CTNND2: variants seen among roughly 807,000 people sequenced by gnomAD.
CTNND2 encodes the protein catenin delta-2.
In CTNND2, 22 loss-of-function variants were observed where a neutral mutation model predicts 144.4. That is an observed-to-expected ratio of 0.15 (90% CI 0.11 to 0.22). CTNND2 has a LOEUF of 0.22. Ranked by LOEUF, CTNND2 falls within the 10% of genes least tolerant of loss-of-function variation. The probability of loss-of-function intolerance (pLI) is 1.00; values close to 1 mark genes in which losing one functional copy is unlikely to be tolerated. For synonymous variants in CTNND2, 751 were observed against 695.6 expected (o/e 1.08, Z -1.25); for missense variants, 1,353 against 1,618.8 (o/e 0.84, Z 2.82).
intron 9 of CTNND2, among the ~76,000 whole-genome samples, chr5:11,262,235 C>G (rs1218823487): frequency 6.6e-6 from 1 of 152,100 alleles, no homozygotes; most frequent in Non-Finnish European, 1.5e-5. Flanking sequence ...AACTGACCCA[C>G]CAAAAGGGCC....
intron 9 of CTNND2, among the ~76,000 whole-genome samples, chr5:11,318,868 C>T (rs1751759405): frequency 6.6e-6 from 1 of 151,886 alleles, no homozygotes; most frequent in Non-Finnish European, 1.5e-5. Context: ...CTAGGTGCTG[C>T]CCCATTTTTC....
chr5:11,409,857 AGAG>A (rs1761374927), intron 5 of CTNND2, among the ~76,000 whole-genome samples: 2 of 152,038 alleles, frequency 1.3e-5, no homozygotes, highest in South Asian at 4.1e-4. Context: ...TATTCTTTTC[AGAG>A]GAGAATTTAG....
In CTNND2 at chr5:11,475,100, C is replaced by T. The variant is rs75373389; in HGVS notation, c.288-63031G>A. ...AAGTCAAGTGTGTCTCAGGTATTAC[C>T]GCCATTCTCTTCATACTGCAGGCAA... On this transcript the variant is annotated intron_variant, in intron 3 of 21. Transcript: ENST00000304623. 6.9e-3 allele frequency among the ~76,000 whole-genome samples: 1,046 copies of T among 152,294 alleles called. 9 individuals carry two copies. Among genetic ancestry groups the T allele is most frequent in the African/African-American group, 0.024 (985 of 41,568 alleles).
intron 2 of CTNND2, among the ~76,000 whole-genome samples, chr5:11,686,691 ATACTT>A (rs1294558583): frequency 6.6e-6 from 1 of 151,120 alleles, no homozygotes; most frequent in Non-Finnish European, 1.5e-5. Flanking sequence ...ATTTAACAAT[ATACTT>A]TATTAATGGA....
At chr5:11,131,499 C>G (rs938154963) in intron 12 of CTNND2, among the ~76,000 whole-genome samples, 16 of 152,234 alleles carry the variant, frequency 1.1e-4, no homozygotes, top group Middle Eastern at 3.4e-3. Context: ...ATTAAAACAG[C>G]CTTTCCGGCT....
chr5:11,395,220 G>C (rs1387005531), intron 6 of CTNND2, among the ~76,000 whole-genome samples: 2 of 152,180 alleles, frequency 1.3e-5, no homozygotes, highest in African/African-American at 2.4e-5. Flanking sequence ...ACGTTTCTCT[G>C]ACATTACATT....
At chr5:11,752,433 G>C (rs1259611184) in intron 1 of CTNND2, among the ~76,000 whole-genome samples, 1 of 151,812 alleles carries the variant, frequency 6.6e-6, no homozygotes, top group East Asian at 1.9e-4. Flanking sequence ...TTATTGAATA[G>C]GAAGTCTTTT....
intron 18 of CTNND2, among the ~76,000 whole-genome samples, chr5:11,016,272 A>G (rs538328934): frequency 1.3e-5 from 2 of 152,300 alleles, no homozygotes; most frequent in South Asian, 4.1e-4. Flanking sequence ...GTTTCAACTT[A>G]AACACACTTC....
intron 1 of CTNND2, among the ~76,000 whole-genome samples, chr5:11,884,857 T>G (rs1736400974): frequency 6.6e-6 from 1 of 152,204 alleles, no homozygotes; most frequent in Admixed American, 6.5e-5. Context: ...TTGTTGAAAG[T>G]TTTTTATCAT....
chr5:11,064,965 C>G (rs1747402552), intron 16 of CTNND2, among the ~76,000 whole-genome samples: 1 of 152,186 alleles, frequency 6.6e-6, no homozygotes, highest in Non-Finnish European at 1.5e-5. Context: ...TGGTGGGTTA[C>G]AGATTAACCA....
At chr5:11,069,845 A>G (rs1011181728) in intron 16 of CTNND2, among the ~76,000 whole-genome samples, 3 of 152,196 alleles carry the variant, frequency 2.0e-5, no homozygotes, top group African/African-American at 7.2e-5. Flanking sequence ...AATACTGATC[A>G]TGCTCTTGAA....
At chr5:11,832,716 G>C (rs146422875) in intron 1 of CTNND2, among the ~76,000 whole-genome samples, 2 of 152,166 alleles carry the variant, frequency 1.3e-5, no homozygotes, top group Admixed American at 6.5e-5. Flanking sequence ...CAAGGCAGGC[G>C]AATCACTTGA....
chr5:11,558,544 T>C (rs1281639595), intron 3 of CTNND2, among the ~76,000 whole-genome samples: 1 of 152,144 alleles, frequency 6.6e-6, no homozygotes, highest in Admixed American at 6.5e-5. Context: ...TTTTTGTATT[T>C]TTTTTTGTAG....
At chr5:11,778,327 G>A (rs748274498) in intron 1 of CTNND2, among the ~76,000 whole-genome samples, 3 of 152,112 alleles carry the variant, frequency 2.0e-5, no homozygotes, top group Non-Finnish European at 4.4e-5. Context: ...GGGGGCAGTG[G>A]TGCGGGGAAG....
At chr5:11,050,050 C>T (rs1745671615) in intron 16 of CTNND2, among the ~76,000 whole-genome samples, 1 of 152,156 alleles carries the variant, frequency 6.6e-6, no homozygotes, top group Non-Finnish European at 1.5e-5. Context: ...TTCCTGAAAA[C>T]TTGTTTTTAA....
intron 12 of CTNND2, among the ~76,000 whole-genome samples, chr5:11,150,151 C>T (rs191928519): frequency 1.3e-5 from 2 of 152,324 alleles, no homozygotes; most frequent in East Asian, 3.9e-4. Context: ...GAGACCCCCA[C>T]ACTACTGTTG....
At chr5:11,638,506 C>A (rs958400991) in intron 2 of CTNND2, among the ~76,000 whole-genome samples, 1 of 152,078 alleles carries the variant, frequency 6.6e-6, no homozygotes, top group Admixed American at 6.6e-5. Context: ...CTAGAAATTC[C>A]CCTTAAATTA....
At chr5:11,382,667 G>C (rs1758639819) in intron 7 of CTNND2, among the ~76,000 whole-genome samples, 1 of 149,866 alleles carries the variant, frequency 6.7e-6, no homozygotes, top group Non-Finnish European at 1.5e-5. Context: ...ATTAGTGAAA[G>C]TCACTACATA....
intron 8 of CTNND2, among the ~76,000 whole-genome samples, chr5:11,350,794 C>T (rs1307826068): frequency 6.6e-6 from 1 of 152,068 alleles, no homozygotes; most frequent in Non-Finnish European, 1.5e-5. Context: ...TAATGGATCT[C>T]AAACCAACCA....
Sources: gnomAD v4.1 joint callset for allele counts (sites outside exome capture counted in the v4.1 genomes callset) on GRCh38, gnomAD v4.1.1 for gene constraint, MANE v1.5 for transcripts, NCBI Gene and HGNC (gene_info 2026-07-23, HGNC 2026-07-21) for gene names.